The following TNFRSF17 variants were observed in gnomAD, a reference collection of about 807,000 sequenced individuals.
The protein encoded by TNFRSF17 is tumor necrosis factor receptor superfamily member 17.
TNFRSF17 carries 13 observed loss-of-function variants against 9.9 expected under a neutral mutation model. The observed-to-expected ratio is 1.31, with a 90% CI of 0.85 to 2.08. The LOEUF is 2.08. TNFRSF17 is among the 30% of genes most tolerant of loss of function. TNFRSF17 has a pLI of 0.00. For synonymous variants in TNFRSF17, 99 were observed against 83.7 expected, an observed-to-expected ratio of 1.18 and a Z score of -1.00; for missense variants, 305 against 225.8, an observed-to-expected ratio of 1.35 and a Z score of -2.25.
intron 2 of TNFRSF17, 125 bp from the exon 3 acceptor site, chr16:11,967,445 C>T (rs568208199): frequency 1.0e-6 from 1 of 970,392 alleles, no homozygotes. Context: ...CACAGTAAGA[C>T]CCCACCTCTA....
At chr16:11,967,380 T>C (rs2055202978) in intron 2 of TNFRSF17, among the ~76,000 whole-genome samples, 190 bp from the exon 3 acceptor site, 1 of 152,146 alleles carries the variant, frequency 6.6e-6, no homozygotes, top group Admixed American at 6.6e-5. Flanking sequence ...GACTGCTCTG[T>C]AGGCTAACGT....
Position 11,966,181 on chromosome 16 carries a change from T to G in TNFRSF17, c.131-14T>G. 1 of 1,603,080 alleles carries G rather than the reference T, an allele frequency of 6.2e-7. No homozygotes were observed. The highest frequency in any genetic ancestry group is 2.2e-5 in the East Asian group (1 of 44,704). ...TTATCAGCTCATTATCTGTCTGATG[T>G]TCTTTTCATAAAGGTGTGACCAATT... On this transcript the variant is annotated splice_polypyrimidine_tract_variant and intron_variant, in intron 1 of 2. Transcript: ENST00000053243.
chr16:11,966,395 G>C, intron 2 of TNFRSF17, 54 bp downstream of exon 2: 3 of 1,550,146 alleles, frequency 1.9e-6, no homozygotes, highest in Non-Finnish European at 2.6e-6. Context: ...GCTATTGTGA[G>C]TTTCAGTTCC....
At chr16:11,966,388 A>G in intron 2 of TNFRSF17, 47 bp downstream of exon 2, 1 of 1,572,574 alleles carries the variant, frequency 6.4e-7, no homozygotes, top group Non-Finnish European at 8.6e-7. Context: ...GGGGATGGCT[A>G]TTGTGAGTTT....
At position 11,966,190 on chromosome 16, in the gene TNFRSF17, TA is replaced by T. The variant is rs1662703777; in HGVS notation, c.131-2del. ...CATTATCTGTCTGATGTTCTTTTCA[TA>T]AAGGTGTGACCAATTCAGTGAAAGG... On this transcript the variant is annotated splice_polypyrimidine_tract_variant and splice_region_variant and intron_variant, in intron 1 of 2. Coordinates refer to ENST00000053243, the MANE Select transcript of TNFRSF17 (RefSeq NM_001192.3). 2 of 1,608,014 alleles carry T rather than the reference TA, an allele frequency of 1.2e-6. No homozygotes were observed. Among genetic ancestry groups the T allele is most frequent in the Non-Finnish European group, 1.7e-6 (2 of 1,176,454 alleles).
chr16:11,966,126 A>G, intron 1 of TNFRSF17, 69 bp from the exon 2 acceptor site: 1 of 1,432,220 alleles, frequency 7.0e-7, no homozygotes, highest in Non-Finnish European at 9.4e-7. Flanking sequence ...AAATAAATAA[A>G]TAATAACAAT....
chr16:11,965,453 A>T lies in TNFRSF17; in HGVS notation c.129A>T (p.Ala43=). The change falls in exon 1 of 3, where the codon GCA becomes GCT. Residue 43 remains alanine, a splice_region_variant and synonymous_variant. Transcript: ENST00000053243. ...PPLTCQRYCN[A]SVTNSVKGTN... is the part of the protein sequence containing the mutation. ...TAACATGTCAGCGTTATTGTAATGC[A>T]AGTAAGTAATATTGCTTGAACGATT... The T allele has an allele frequency of 6.2e-7, 1 of 1,613,990 alleles. No homozygotes were observed. Among genetic ancestry groups the T allele is most frequent in the Non-Finnish European group, 8.5e-7 (1 of 1,179,926 alleles).
chr16:11,966,807 GAATT>G (rs1269611562), intron 2 of TNFRSF17, among the ~76,000 whole-genome samples: 6 of 151,958 alleles, frequency 3.9e-5, no homozygotes, highest in African/African-American at 7.3e-5. Context: ...AGTTGCTCCT[GAATT>G]ATTTGAGGAA....
At position 11,965,291 on chromosome 16, in the gene TNFRSF17, C is replaced by T. The variant is rs1403070392; in HGVS notation, c.-34C>T. 1 of 1,613,146 alleles carries T rather than the reference C, an allele frequency of 6.2e-7. No individual in the cohort carries two copies. Among genetic ancestry groups the T allele is most frequent in the Middle Eastern group, 1.7e-4 (1 of 6,054 alleles). The stretch of plus-strand genomic sequence containing the variant: ...ATATTACTTGTCCTTCCAGGCTGTT[C>T]TTTCTGTAGCTCCCTTGTTTTCTTT... On this transcript the variant is annotated 5_prime_UTR_variant, in exon 1 of 3. Coordinates refer to ENST00000053243, the MANE Select transcript of TNFRSF17 (RefSeq NM_001192.3).
intron 1 of TNFRSF17, 35 bp from the exon 2 acceptor site, chr16:11,966,160 C>T: frequency 6.4e-7 from 1 of 1,563,426 alleles, no homozygotes; most frequent in Non-Finnish European, 8.7e-7. Context: ...ATTATGTTAT[C>T]AGCTCATTAT....
At chr16:11,965,793 T>G (rs887186931) in intron 1 of TNFRSF17, among the ~76,000 whole-genome samples, 18 of 152,164 alleles carry the variant, frequency 1.2e-4, no homozygotes, top group Admixed American at 1.1e-3. Flanking sequence ...AATCCATAAT[T>G]CATTATTTTA....
chr16:11,966,754 G>C (rs1470087615), intron 2 of TNFRSF17, among the ~76,000 whole-genome samples: 7 of 152,166 alleles, frequency 4.6e-5, no homozygotes. Flanking sequence ...TTCTTTGCTT[G>C]AGTGAACATT....
chr16:11,965,271 A>G lies in TNFRSF17; in HGVS notation c.-54A>G. 6.2e-7 allele frequency: 1 copy of G among 1,609,612 alleles called. No individual in the cohort carries two copies. Among genetic ancestry groups the G allele is most frequent in the Non-Finnish European group, 8.5e-7 (1 of 1,177,196 alleles). On this transcript the variant is annotated 5_prime_UTR_variant, in exon 1 of 3. Coordinates refer to ENST00000053243, the MANE Select transcript of TNFRSF17 (RefSeq NM_001192.3). ...GCTCTGGAATTCTTGTAGAGATATT[A>G]CTTGTCCTTCCAGGCTGTTCTTTCT...
rs771579251 is a variant in TNFRSF17, at chr16:11,965,418, ACTC to A, written c.101_103del (p.Pro34del). 2.6e-5 allele frequency: 42 copies of A among 1,613,744 alleles called. No homozygotes were observed. In the East Asian group the frequency reaches 4.5e-4, roughly 17 times the overall value. Reference sequence around the variant, plus strand: ...TTGTCAACTTCGATGTTCTTCTAATACTCCTCCTCTAACATGTCAGCGTTATTG... The same window carrying A: ...TTGTCAACTTCGATGTTCTTCTAATACTCCTCTAACATGTCAGCGTTATTG... On this transcript the variant is annotated inframe_deletion, in exon 1 of 3. Transcript: ENST00000053243.
chr16:11,966,347 T>C lies in TNFRSF17; in HGVS notation c.277+6T>C. 1 of 1,606,420 alleles carries C rather than the reference T, an allele frequency of 6.2e-7. No individual in the cohort carries two copies. The highest frequency in any genetic ancestry group is 8.5e-7 in the Non-Finnish European group (1 of 1,175,618). ...GGACGAGTTTAAAAACACAGGTTGG[T>C]TTGATGGTGAATCTTTGAAATCTAT... On this transcript the variant is annotated splice_donor_region_variant and intron_variant, in intron 2 of 2. Coordinates refer to ENST00000053243, the MANE Select transcript of TNFRSF17 (RefSeq NM_001192.3).
intron 1 of TNFRSF17, among the ~76,000 whole-genome samples, 154 bp from the exon 2 acceptor site, chr16:11,966,041 G>A (rs1435699232): frequency 6.6e-6 from 1 of 152,178 alleles, no homozygotes; most frequent in African/African-American, 2.4e-5. Flanking sequence ...AACTTGGGAG[G>A]TGGAGGTTGC....
chr16:11,967,869 G>A lies in TNFRSF17; in HGVS notation c.*22G>A, dbSNP rs367581624. On this transcript the variant is annotated 3_prime_UTR_variant, in exon 3 of 3. Coordinates refer to ENST00000053243, the MANE Select transcript of TNFRSF17 (RefSeq NM_001192.3). ...GTAATTAACCATTTCGACTCGAGCA[G>A]TGCCACTTTAAAAATCTTTTGTCAG... The A allele has an allele frequency of 1.9e-6, 3 of 1,604,858 alleles. No individual in the cohort carries two copies. Among genetic ancestry groups the A allele is most frequent in the African/African-American group, 2.7e-5 (2 of 74,518 alleles).
At position 11,966,275 on chromosome 16, in the gene TNFRSF17, T is replaced by C; in HGVS notation, c.211T>C (p.Phe71Leu). The C allele has an allele frequency of 6.2e-7, 1 of 1,614,056 alleles. No individual in the cohort carries two copies. Among genetic ancestry groups the C allele is most frequent in the Non-Finnish European group, 8.5e-7 (1 of 1,179,948 alleles). The change falls in exon 2 of 3, where the codon TTC becomes CTC. Residue 71 changes from phenylalanine (F) to leucine (L), a missense_variant. Coordinates refer to ENST00000053243, the MANE Select transcript of TNFRSF17 (RefSeq NM_001192.3). ...GLSLIISLAV[F>L]VLMFLLRKIN... Reference sequence around the variant, plus strand: ...GAGCTTAATAATTTCTTTGGCAGTTTTCGTGCTAATGTTTTTGCTAAGGAA... The same window carrying C: ...GAGCTTAATAATTTCTTTGGCAGTTCTCGTGCTAATGTTTTTGCTAAGGAA...
chr16:11,965,566 A>G, intron 1 of TNFRSF17, 112 bp downstream of exon 1: 1 of 1,158,110 alleles, frequency 8.6e-7, no homozygotes. Context: ...TCTTGAATCA[A>G]AAAGAGAAAG....
Sources: allele counts gnomAD v4.1 joint callset (sites outside exome capture counted in the v4.1 genomes callset), GRCh38; gene constraint gnomAD v4.1.1; transcripts MANE v1.5; gene names NCBI Gene and HGNC (gene_info 2026-07-23, HGNC 2026-07-21).